The following CEP170 variants were observed in gnomAD, a reference collection of about 807,000 sequenced individuals.
CEP170 encodes the protein centrosomal protein of 170 kDa.
A neutral mutation model predicts 151.9 loss-of-function variants in CEP170; 21 were observed. That is an observed-to-expected ratio of 0.14 (90% CI 0.10 to 0.20). The LOEUF is 0.20. CEP170 is among the 10% of genes least tolerant of loss of function. CEP170 has a pLI of 1.00. For synonymous variants in CEP170, 356 were observed against 648.8 expected (o/e 0.55, Z 6.86); for missense variants, 964 against 1,892.9 (o/e 0.51, Z 9.11).
intron 17 of CEP170, among the ~76,000 whole-genome samples, chr1:243,134,892 G>T (rs1239704975): frequency 2.0e-5 from 3 of 152,022 alleles, no homozygotes; most frequent in Non-Finnish European, 4.4e-5. Flanking sequence ...GGAAAGTAAA[G>T]ATCTAATTAA....
intron 8 of CEP170, among the ~76,000 whole-genome samples, chr1:243,189,979 T>C (rs2060201692): frequency 6.6e-6 from 1 of 152,164 alleles, no homozygotes; most frequent in South Asian, 2.1e-4. Context: ...ATCATCTCAC[T>C]GTCCGGAAAT....
chr1:243,132,039 T>C (rs1315399429), intron 17 of CEP170, among the ~76,000 whole-genome samples: 1 of 152,154 alleles, frequency 6.6e-6, no homozygotes, highest in Non-Finnish European at 1.5e-5. Context: ...TGGAATGCAA[T>C]GAGAATGCTG....
intron 16 of CEP170, among the ~76,000 whole-genome samples, chr1:243,138,661 TTTGAG>T (rs1484468655): frequency 1.3e-5 from 2 of 151,182 alleles, no homozygotes; most frequent in Non-Finnish European, 2.9e-5. Context: ...CCTTTATATC[TTTGAG>T]TTTTTTATTA....
At chr1:243,141,147 C>T (rs2055786920) in intron 15 of CEP170, among the ~76,000 whole-genome samples, 1 of 152,102 alleles carries the variant, frequency 6.6e-6, no homozygotes, top group Admixed American at 6.5e-5. Context: ...GCACAGTTTA[C>T]CACAATTAAA....
At chr1:243,222,250 A>G (rs1388344074) in intron 2 of CEP170, among the ~76,000 whole-genome samples, 1 of 152,236 alleles carries the variant, frequency 6.6e-6, no homozygotes, top group Non-Finnish European at 1.5e-5. Context: ...AAAGATTTAG[A>G]GGAAAAGGGA....
At chr1:243,249,964 G>A (rs575965999) in intron 1 of CEP170, among the ~76,000 whole-genome samples, 43 of 152,246 alleles carry the variant, frequency 2.8e-4, no homozygotes, top group African/African-American at 1.0e-3. Context: ...CCGGCTACTC[G>A]GGAGGCCGAG....
Position 243,191,166 on chromosome 1 carries a change from C to T in CEP170, c.960G>A (p.Leu320=). ...KKSSPGTQDL[L]GIQTGMMAPE... is the part of the protein sequence containing the mutation. Reference sequence around the variant, plus strand: ...GTGCCATCATTCCTGTTTGAATCCCCAGCAAGTCTTGAGTTCCAGGAGAAG... The same window carrying T: ...GTGCCATCATTCCTGTTTGAATCCCTAGCAAGTCTTGAGTTCCAGGAGAAG... Residue 320 remains leucine (L), a synonymous_variant, in exon 8 of 20, where the codon CTG becomes CTA. Coordinates refer to ENST00000366542, the MANE Select transcript of CEP170 (RefSeq NM_014812.3). 1 of 1,612,644 alleles carries T rather than the reference C, an allele frequency of 6.2e-7. No individual in the cohort carries two copies. Among genetic ancestry groups the T allele is most frequent in the Non-Finnish European group, 8.5e-7 (1 of 1,179,240 alleles).
intron 1 of CEP170, among the ~76,000 whole-genome samples, chr1:243,240,200 C>A (rs960358621): frequency 5.9e-5 from 9 of 152,150 alleles, no homozygotes; most frequent in African/African-American, 2.2e-4. Flanking sequence ...ATCCCAGCTA[C>A]TCAGGAGGCT....
chr1:243,244,066 A>G (rs1330581762), intron 1 of CEP170, among the ~76,000 whole-genome samples: 2 of 152,242 alleles, frequency 1.3e-5, no homozygotes, highest in African/African-American at 4.8e-5. Flanking sequence ...AAACTGAAAC[A>G]TAATTAGCCT....
chr1:243,200,097 G>A lies in CEP170; in HGVS notation c.496+421C>T, dbSNP rs1217581604. ...TTATGCCAAGTACTATTAAACAAAT[G>A]AAGTGAGGTGTATGCATTGTATTAG... On this transcript the variant is annotated intron_variant, in intron 6 of 19. Coordinates refer to ENST00000366542, the MANE Select transcript of CEP170 (RefSeq NM_014812.3). Among the ~76,000 whole-genome samples the A allele has an allele frequency of 7.2e-5, 11 of 151,950 alleles. No homozygotes were observed. The South Asian group carries it at 1.2e-3, about 17-fold the overall frequency.
intron 17 of CEP170, among the ~76,000 whole-genome samples, chr1:243,134,737 G>A (rs915408300): frequency 6.8e-6 from 1 of 148,140 alleles, no homozygotes; most frequent in Non-Finnish European, 1.5e-5. Flanking sequence ...CAAATGATCC[G>A]CCTGCCTTGG....
At chr1:243,180,865 A>G (rs1572086015) in intron 10 of CEP170, among the ~76,000 whole-genome samples, 1 of 152,316 alleles carries the variant, frequency 6.6e-6, no homozygotes, top group East Asian at 1.9e-4. Flanking sequence ...ACCAGCAGTG[A>G]CCAGGCCCTA....
intron 1 of CEP170, among the ~76,000 whole-genome samples, chr1:243,249,897 A>G (rs2065777780): frequency 6.6e-6 from 1 of 152,216 alleles, no homozygotes; most frequent in South Asian, 2.1e-4. Context: ...CCTGGCCAAC[A>G]TGGTGAAACC....
chr1:243,155,268 T>G (rs777687968), intron 14 of CEP170, among the ~76,000 whole-genome samples: 1 of 152,088 alleles, frequency 6.6e-6, no homozygotes, highest in Admixed American at 6.6e-5. Context: ...AACTAAACAT[T>G]ACATCAAACC....
intron 16 of CEP170, among the ~76,000 whole-genome samples, chr1:243,138,093 T>C (rs2055352153): frequency 6.6e-6 from 1 of 152,212 alleles, no homozygotes; most frequent in African/African-American, 2.4e-5. Flanking sequence ...CTCTTTTCTT[T>C]GCTCATGAAG....
intron 14 of CEP170, among the ~76,000 whole-genome samples, chr1:243,144,495 C>A (rs1321494157): frequency 2.0e-5 from 3 of 152,128 alleles, no homozygotes; most frequent in African/African-American, 7.2e-5. Context: ...TATAGCAAAT[C>A]CTTGCAATTC....
chr1:243,246,548 A>T (rs1047149904), intron 1 of CEP170, among the ~76,000 whole-genome samples: 9 of 152,122 alleles, frequency 5.9e-5, no homozygotes, highest in Admixed American at 1.3e-4. Context: ...TTACAATTTT[A>T]AAAATACATT....
At chr1:243,168,820 ATTT>A in intron 12 of CEP170, among the ~76,000 whole-genome samples, 3 of 151,850 alleles carry the variant, frequency 2.0e-5, no homozygotes, top group Non-Finnish European at 4.4e-5. Context: ...AAGCCTTTAT[ATTT>A]CTGTTCACAG....
chr1:243,174,328 T>C (rs1445327376), intron 10 of CEP170, among the ~76,000 whole-genome samples: 1 of 151,462 alleles, frequency 6.6e-6, no homozygotes, highest in African/African-American at 2.4e-5. Context: ...GTGGCTCTGA[T>C]TATTACAATC....
Sources: allele counts gnomAD v4.1 joint callset (sites outside exome capture counted in the v4.1 genomes callset), GRCh38; gene constraint gnomAD v4.1.1; transcripts MANE v1.5; gene names NCBI Gene and HGNC (gene_info 2026-07-23, HGNC 2026-07-21).